ARFGEF1: variants seen among roughly 807,000 people sequenced by gnomAD.
ARFGEF1 encodes brefeldin A-inhibited guanine nucleotide-exchange protein 1.
ARFGEF1 carries 42 observed loss-of-function variants against 231.0 expected under a neutral mutation model. The observed-to-expected ratio is 0.18, with a 90% CI of 0.14 to 0.24. ARFGEF1 has a LOEUF of 0.24. ARFGEF1 is among the 10% of genes least tolerant of loss of function. The pLI is 1.00. For synonymous variants in ARFGEF1, 710 were observed against 732.3 expected (o/e 0.97, Z 0.49); for missense variants, 1,345 against 2,192.0 (o/e 0.61, Z 7.72).
At chr8:67,330,376 T>C (rs2128933031) in intron 1 of ARFGEF1, among the ~76,000 whole-genome samples, 1 of 152,258 alleles carries the variant, frequency 6.6e-6, no homozygotes, top group African/African-American at 2.4e-5. Context: ...CCTTCTACTT[T>C]ACCACTCAAG....
chr8:67,198,183 A>G lies in ARFGEF1; in HGVS notation c.*751T>C. The G allele has an allele frequency of 1.0e-6, 1 of 985,820 alleles. No homozygotes were observed. Among genetic ancestry groups the G allele is most frequent in the Non-Finnish European group, 1.2e-6 (1 of 829,930 alleles). 61.1% of individuals were successfully genotyped at this position (985,820 alleles called of 1,614,324 possible). On this transcript the variant is annotated 3_prime_UTR_variant, in exon 39 of 39. Coordinates refer to ENST00000262215, the MANE Select transcript of ARFGEF1 (RefSeq NM_006421.5). ...TTTCCCTATTGTTGAAGTGTCGGCC[A>G]CAACAGCTTCTGGGCATGTTACAGC... is the stretch of plus-strand genomic sequence containing the variant.
At chr8:67,185,117 AC>A (rs1291322706) in intron 5 of ARFGEF1, among the ~76,000 whole-genome samples, 49 of 149,594 alleles carry the variant, frequency 3.3e-4, no homozygotes, top group African/African-American at 1.1e-3. Flanking sequence ...AAAAAAAAAA[AC>A]AAAAACAAAC....
Position 67,302,431 on chromosome 8 carries a change from C to A in ARFGEF1, c.155+5G>T. 1 of 1,568,634 alleles carries A rather than the reference C, an allele frequency of 6.4e-7. No individual in the cohort carries two copies. The highest frequency in any genetic ancestry group is 8.6e-7 in the Non-Finnish European group (1 of 1,162,136). ...TTTTTACTAAAGAAAAGAAATCCCA[C>A]AAACCTCTGTTTTTCAGTTTCCGCT... On this transcript the variant is annotated splice_donor_5th_base_variant and intron_variant, in intron 2 of 38. Coordinates refer to ENST00000262215, the MANE Select transcript of ARFGEF1 (RefSeq NM_006421.5).
At chr8:67,331,649 A>C (rs1240321510) in intron 1 of ARFGEF1, among the ~76,000 whole-genome samples, 1 of 152,200 alleles carries the variant, frequency 6.6e-6, no homozygotes, top group Non-Finnish European at 1.5e-5. Flanking sequence ...AAGGATGAAA[A>C]ATATCAAATT....
At chr8:67,306,015 T>C (rs928503107) in intron 1 of ARFGEF1, among the ~76,000 whole-genome samples, 7 of 151,370 alleles carry the variant, frequency 4.6e-5, no homozygotes, top group African/African-American at 7.2e-5. Context: ...CAGAAGATTC[T>C]TTCTTACTAC....
At chr8:67,297,800 GT>G (rs11320985) in intron 4 of ARFGEF1, among the ~76,000 whole-genome samples, 44,162 of 142,192 alleles carry the variant, frequency 0.31, 6,382 homozygotes, top group African/African-American at 0.38. Context: ...TGATCAACCC[GT>G]TTTTTTTTTT....
chr8:67,325,704 A>C (rs1166295328), intron 1 of ARFGEF1, among the ~76,000 whole-genome samples: 2 of 152,252 alleles, frequency 1.3e-5, no homozygotes, highest in African/African-American at 4.8e-5. Context: ...GCAAATAAAT[A>C]CTAGTAACAA....
intron 5 of ARFGEF1, among the ~76,000 whole-genome samples, chr8:67,188,053 G>T (rs1468453574): frequency 6.6e-6 from 1 of 152,172 alleles, no homozygotes; most frequent in East Asian, 1.9e-4. Context: ...TTTAAAACCT[G>T]CTCTGCTCTA....
At chr8:67,262,046 C>T (rs1804646152) in intron 14 of ARFGEF1, among the ~76,000 whole-genome samples, 1 of 152,072 alleles carries the variant, frequency 6.6e-6, no homozygotes, top group South Asian at 2.1e-4. Flanking sequence ...TACTTAAAAG[C>T]TGCCATGTAG....
intron 3 of ARFGEF1, 124 bp downstream of exon 3, chr8:67,301,100 G>A: frequency 1.1e-6 from 1 of 950,772 alleles, no homozygotes; most frequent in Non-Finnish European, 1.5e-6. Context: ...AAATCACTTG[G>A]ATTTTTTACC....
intron 1 of ARFGEF1, among the ~76,000 whole-genome samples, chr8:67,325,640 G>C (rs1407732436): frequency 6.6e-6 from 1 of 152,054 alleles, no homozygotes; most frequent in African/African-American, 2.4e-5. Context: ...AAAAATCTAA[G>C]GACAGTACCA....
At chr8:67,321,335 A>G (rs1015865339) in intron 1 of ARFGEF1, among the ~76,000 whole-genome samples, 1 of 152,248 alleles carries the variant, frequency 6.6e-6, no homozygotes, top group Admixed American at 6.5e-5. Context: ...GCCTACATCC[A>G]TACTCCAACT....
intron 38 of ARFGEF1, 200 bp from the exon 39 acceptor site, chr8:67,199,298 T>C (rs372515761): frequency 4.9e-5 from 25 of 513,526 alleles, no homozygotes; most frequent in South Asian, 4.6e-4. Flanking sequence ...CACTTACATA[T>C]CCTTATTTTG....
At chr8:67,266,734 A>T (rs913247162) in intron 13 of ARFGEF1, 142 bp downstream of exon 13, 1 of 546,162 alleles carries the variant, frequency 1.8e-6, no homozygotes. Context: ...TTAAAGCTAG[A>T]CATTTAACTC....
At chr8:67,194,319 A>C (rs1837267414), downstream of ARFGEF1, among the ~76,000 whole-genome samples, 1 of 152,206 alleles carries the variant, frequency 6.6e-6, no homozygotes, top group African/African-American at 2.4e-5. Flanking sequence ...ATAATCTGTT[A>C]AGATTTTTTT....
At chr8:67,328,220 A>G (rs1292478612) in intron 1 of ARFGEF1, among the ~76,000 whole-genome samples, 1 of 152,186 alleles carries the variant, frequency 6.6e-6, no homozygotes, top group Non-Finnish European at 1.5e-5. Context: ...TGAAACTGTT[A>G]TAATTTTTTT....
At position 67,218,206 on chromosome 8, in the gene ARFGEF1, AAAT is replaced by A. The variant is rs1477779846; in HGVS notation, c.4339-71_4339-69del. 684 of 174,914 alleles carry A rather than the reference AAAT, an allele frequency of 3.9e-3. 4 individuals carry two copies. The highest frequency in any genetic ancestry group is 8.6e-3 in the South Asian group (36 of 4,180). 10.8% of individuals were successfully genotyped at this position (174,914 alleles called of 1,614,324 possible). A position where few individuals can be genotyped will look rare whatever the true frequency, so the allele number is the denominator to read the frequency against. On this transcript the variant is annotated intron_variant, in intron 30 of 38. Coordinates refer to ENST00000262215, the MANE Select transcript of ARFGEF1 (RefSeq NM_006421.5). ...CTACTATGATTAAAAAAAAAAAAAA[AAAT>A]ATATATATATATATATATATATATA...
chr8:67,217,633 T>G (rs2128865250), intron 32 of ARFGEF1, 149 bp downstream of exon 32: 1 of 861,486 alleles, frequency 1.2e-6, no homozygotes, highest in East Asian at 2.7e-5. Context: ...TGGTTTGTAA[T>G]AAATCTAAAT....
At chr8:67,306,748 C>A (rs1040804390) in intron 1 of ARFGEF1, among the ~76,000 whole-genome samples, 1 of 152,048 alleles carries the variant, frequency 6.6e-6, no homozygotes, top group African/African-American at 2.4e-5. Context: ...GGAAAGCTCT[C>A]GAAAGCAAAT....
Sources: allele counts gnomAD v4.1 joint callset (sites outside exome capture counted in the v4.1 genomes callset), GRCh38; gene constraint gnomAD v4.1.1; transcripts MANE v1.5; gene names NCBI Gene and HGNC (gene_info 2026-07-23, HGNC 2026-07-21).